PDCD11: variants seen among roughly 807,000 people sequenced by gnomAD.
PDCD11 encodes the protein protein RRP5 homolog.
In PDCD11, 97 loss-of-function variants were observed where a neutral mutation model predicts 198.9. The observed-to-expected ratio is 0.49, with a 90% CI of 0.41 to 0.58. PDCD11 has a LOEUF of 0.58. PDCD11 is among the 20% of genes least tolerant of loss of function. The pLI is 0.00. For missense variants in PDCD11, 2,102 were observed against 2,312.7 expected (o/e 0.91, Z 1.87); for synonymous variants, 893 against 918.0 (o/e 0.97, Z 0.49).
At chr10:103,400,561 G>A (rs1210469176) in intron 3 of PDCD11, 33 bp downstream of exon 3, 2 of 1,588,264 alleles carry the variant, frequency 1.3e-6, no homozygotes, top group Non-Finnish European at 1.7e-6. Context: ...TTAAACAATC[G>A]ACCTTGGTTG....
chr10:103,419,582 C>T lies in PDCD11; in HGVS notation c.2151C>T (p.Gly717=). The change falls in exon 16 of 36, where the codon GGC becomes GGT. Residue 717 remains glycine, a synonymous_variant. Transcript: ENST00000369797. The stretch of plus-strand genomic sequence containing the variant: ...CCTTGGTCTCCACAGTAGAAGGTGG[C>T]CAGGATCCCAAGAACTTCTCAGAAA... ...KPALVSTVEG[G]QDPKNFSEIH... 1 of 1,614,030 alleles carries T rather than the reference C, an allele frequency of 6.2e-7. No individual in the cohort carries two copies. The highest frequency in any genetic ancestry group is 1.6e-4 in the Middle Eastern group (1 of 6,062).
intron 27 of PDCD11, among the ~76,000 whole-genome samples, chr10:103,439,463 G>C (rs767913327): frequency 5.9e-5 from 9 of 152,196 alleles, no homozygotes; most frequent in Non-Finnish European, 1.2e-4. Flanking sequence ...TGATACTGCA[G>C]CCTTCCCTGC....
Position 103,423,618 on chromosome 10 carries a change from T to A in PDCD11, c.2723T>A (p.Val908Asp), listed in dbSNP as rs2031556303. The change falls in exon 19 of 36, where the codon GTT becomes GAT. Residue 908 changes from valine (V) to aspartate (D), a missense_variant. Val to Asp is a radical substitution (Grantham distance 152). Coordinates refer to ENST00000369797, the MANE Select transcript of PDCD11 (RefSeq NM_014976.2). ...GATCTTTTGAAGTTGGAAGTGCACG[T>A]TTCCCTTCACCAGGACTTGGTGAAT... ...NVDLLKLEVH[V>D]SLHQDLVNRK... 3 of 1,613,606 alleles carry A rather than the reference T, an allele frequency of 1.9e-6. No homozygotes were observed. In the South Asian group the frequency reaches 3.3e-5, roughly 18 times the overall value.
At chr10:103,397,608 G>GT (rs1180987902) in intron 1 of PDCD11, among the ~76,000 whole-genome samples, 1 of 152,176 alleles carries the variant, frequency 6.6e-6, no homozygotes, top group Non-Finnish European at 1.5e-5. Context: ...TAATTTTTGC[G>GT]TTTTTGGTAG....
chr10:103,413,116 G>A lies in PDCD11; in HGVS notation c.979G>A (p.Val327Met). The change falls in exon 9 of 36, where the codon GTG (valine) becomes ATG (methionine). Residue 327 changes from valine (V) to methionine (M), a missense_variant and splice_region_variant. Transcript: ENST00000369797. ...KAGTYFSNQAVRACILCVHPR... is the reference protein window; with the variant it reads ...KAGTYFSNQAMRACILCVHPR... ...TCACCCTGCCCTTCCTTTTGTCTAG[G>A]TGAGGGCCTGCATCCTTTGCGTCCA... 6.2e-7 allele frequency: 1 copy of A among 1,613,782 alleles called. No homozygotes were observed. The highest frequency in any genetic ancestry group is 8.5e-7 in the Non-Finnish European group (1 of 1,179,894).
intron 28 of PDCD11, 66 bp downstream of exon 28, chr10:103,439,934 G>A: frequency 6.3e-7 from 1 of 1,588,398 alleles, no homozygotes; most frequent in Non-Finnish European, 8.6e-7. Flanking sequence ...AGGAGCCCTG[G>A]GAGGAGATTT....
chr10:103,434,988 T>TTCTTCC lies in PDCD11; in HGVS notation c.3845+18_3845+23dup. On this transcript the variant is annotated intron_variant, in intron 25 of 35. Coordinates refer to ENST00000369797, the MANE Select transcript of PDCD11 (RefSeq NM_014976.2). Reference sequence around the variant, plus strand: ...AGAAGGTTGTCAGGTAAGCGAAGTGTTCTTCCTCTTTTCACCTGTCTGTGG... The same window carrying TTCTTCC: ...AGAAGGTTGTCAGGTAAGCGAAGTGTTCTTCCTCTTCCTCTTTTCACCTGTCTGTGG... The TTCTTCC allele has an allele frequency of 6.7e-7, 1 of 1,490,774 alleles. No homozygotes were observed. The highest frequency in any genetic ancestry group is 9.0e-7 in the Non-Finnish European group (1 of 1,112,832). The allele number at this position is 1,490,774 out of a possible 1,614,324, so 92.3% of individuals were successfully genotyped here.
chr10:103,407,758 G>T (rs1341051631), intron 7 of PDCD11, among the ~76,000 whole-genome samples: 3 of 151,242 alleles, frequency 2.0e-5, no homozygotes, highest in South Asian at 2.1e-4. Context: ...TCGCCCTGTT[G>T]CCCAGGCTGG....
At chr10:103,398,982 C>G (rs967351870) in intron 2 of PDCD11, among the ~76,000 whole-genome samples, 1 of 152,160 alleles carries the variant, frequency 6.6e-6, no homozygotes, top group African/African-American at 2.4e-5. Context: ...CCACTGCTCT[C>G]CTGCCTGGGC....
At chr10:103,444,731 T>A (rs1419093981) in intron 35 of PDCD11, 49 bp downstream of exon 35, 5 of 1,560,692 alleles carry the variant, frequency 3.2e-6, no homozygotes, top group Non-Finnish European at 4.4e-6. Flanking sequence ...GAGGGCGTGG[T>A]AGGCACTGGT....
In PDCD11 at chr10:103,403,157, G is replaced by T; in HGVS notation, c.274G>T (p.Glu92Ter). The change falls in exon 4 of 36, where the codon GAG (glutamate) becomes TAG (stop). Residue 92 changes from glutamate (E) to a stop codon, truncating the protein, a stop_gained. Transcript: ENST00000369797. LOFTEE classifies it high-confidence loss of function. ...EGMRILGCVK[E>*]VNELELVISL... ...AATGCGTATTTTGGGTTGCGTGAAA[G>T]AGGTGAATGAACTGGAACTGGTGAT... The T allele has an allele frequency of 6.2e-7, 1 of 1,614,194 alleles. No individual in the cohort carries two copies. Among genetic ancestry groups the T allele is most frequent in the Non-Finnish European group, 8.5e-7 (1 of 1,180,032 alleles).
chr10:103,420,307 T>C (rs568293415), intron 16 of PDCD11, among the ~76,000 whole-genome samples: 1 of 152,164 alleles, frequency 6.6e-6, no homozygotes, highest in South Asian at 2.1e-4. Context: ...CTGCACTTGT[T>C]TTTATTCTCT....
At chr10:103,419,247 T>C (rs1216863000) in intron 15 of PDCD11, among the ~76,000 whole-genome samples, 1 of 152,020 alleles carries the variant, frequency 6.6e-6, no homozygotes, top group Non-Finnish European at 1.5e-5. Flanking sequence ...TGCAGATTAG[T>C]GAATCGGGAA....
chr10:103,440,464 G>C lies in PDCD11; in HGVS notation c.4323G>C (p.Lys1441Asn). The C allele has an allele frequency of 1.2e-6, 2 of 1,614,082 alleles. No individual in the cohort carries two copies. Among genetic ancestry groups the C allele is most frequent in the South Asian group, 2.2e-5 (2 of 91,070 alleles). ...AGAAAAATCAGAAAAGGAACGAGAA[G>C]AAGAACCAGAAGGGGCAGGAGGAGG... is the stretch of plus-strand genomic sequence containing the variant. The part of the protein sequence containing the change: ...GEKKNQKRNE[K>N]KNQKGQEEVE... The change falls in exon 29 of 36, where the codon AAG (lysine) becomes AAC (asparagine). Residue 1441 changes from lysine (K) to asparagine (N), a missense_variant. By Grantham distance (94) the Lys-to-Asn change is moderately conservative. Coordinates refer to ENST00000369797, the MANE Select transcript of PDCD11 (RefSeq NM_014976.2).
At chr10:103,424,317 A>G (rs1005804085) in intron 19 of PDCD11, among the ~76,000 whole-genome samples, 9 of 152,228 alleles carry the variant, frequency 5.9e-5, no homozygotes, top group African/African-American at 1.9e-4. Context: ...TTAGGCACCT[A>G]GTTGCACAGA....
intron 31 of PDCD11, 113 bp downstream of exon 31, chr10:103,442,088 C>T: frequency 6.5e-7 from 1 of 1,546,052 alleles, no homozygotes; most frequent in Non-Finnish European, 8.8e-7. Flanking sequence ...GGGGCAGCGG[C>T]CAGTCCCAGG....
At chr10:103,409,652 G>T in intron 7 of PDCD11, 47 bp from the exon 8 acceptor site, 2 of 1,349,856 alleles carry the variant, frequency 1.5e-6, no homozygotes, top group Non-Finnish European at 2.1e-6. Flanking sequence ...CACATTCCTG[G>T]TTCTTTCAAA....
chr10:103,440,882 G>A, intron 30 of PDCD11, 32 bp downstream of exon 30: 1 of 1,481,842 alleles, frequency 6.7e-7, no homozygotes, highest in Non-Finnish European at 9.3e-7. Context: ...GGGGAAGGCT[G>A]CTCCAGGCAA....
intron 16 of PDCD11, among the ~76,000 whole-genome samples, chr10:103,420,617 A>G (rs1469705370): frequency 1.3e-5 from 2 of 152,028 alleles, no homozygotes; most frequent in Non-Finnish European, 2.9e-5. Flanking sequence ...ATTCATCAGT[A>G]TTTCTTCCCC....
Sources: allele counts gnomAD v4.1 joint callset (sites outside exome capture counted in the v4.1 genomes callset), GRCh38; gene constraint gnomAD v4.1.1; transcripts MANE v1.5; gene names NCBI Gene and HGNC (gene_info 2026-07-23, HGNC 2026-07-21).